HS1BP3: variants seen among roughly 807,000 people sequenced by gnomAD.
HS1BP3 encodes the protein HCLS1-binding protein 3.
Under a neutral mutation model 33.5 loss-of-function variants are expected in HS1BP3, and 32 were observed. That is an observed-to-expected ratio of 0.95 (90% CI 0.72 to 1.28). HS1BP3 has a LOEUF of 1.28. HS1BP3 is among the 50% of genes most tolerant of loss of function. The pLI is 0.00. For synonymous variants in HS1BP3, 187 were observed against 209.2 expected (o/e 0.89, Z 0.92); for missense variants, 486 against 502.3 (o/e 0.97, Z 0.31).
At position 20,641,015 on chromosome 2, in the gene HS1BP3, C is replaced by G. The variant is rs760464462; in HGVS notation, c.364G>C (p.Asp122His). ...TCTGGGCTGCCTGCCAACTCGGCAT[C>G]CTTGGAGACACAGCGCAGGATCTCA... The part of the protein sequence containing the change: ...FNEILRCVSK[D>H]AELAGSPELL... Residue 122 changes from aspartate (D) to histidine (H), a missense_variant, in exon 3 of 7, where the codon GAT (aspartate) becomes CAT (histidine). Physicochemically the swap from Asp to His is moderately conservative, Grantham distance 81 (BLOSUM62 -1). Coordinates refer to ENST00000304031, the MANE Select transcript of HS1BP3 (RefSeq NM_022460.4). 2 of 1,614,202 alleles carry G rather than the reference C, an allele frequency of 1.2e-6. No individual in the cohort carries two copies. The highest frequency in any genetic ancestry group is 2.2e-5 in the South Asian group (2 of 91,090).
At chr2:20,568,443 G>A (rs558971656) in intron 5 of HS1BP3, among the ~76,000 whole-genome samples, 5 of 152,276 alleles carry the variant, frequency 3.3e-5, no homozygotes, top group Admixed American at 1.3e-4. Flanking sequence ...AGCCTGGGCC[G>A]CCGTCAGGCT....
intron 5 of HS1BP3, among the ~76,000 whole-genome samples, chr2:20,580,474 G>A (rs1297389790): frequency 1.3e-5 from 2 of 151,956 alleles, no homozygotes; most frequent in African/African-American, 4.8e-5. Context: ...AGCCAAGATT[G>A]TGCCACTGTA....
At chr2:20,586,705 T>C (rs1693692859) in intron 5 of HS1BP3, 1 of 152,176 alleles carries the variant, frequency 6.6e-6, no homozygotes, top group Admixed American at 6.5e-5. Context: ...ATGCAACAGA[T>C]ATCAAAATGA....
intron 4 of HS1BP3, among the ~76,000 whole-genome samples, chr2:20,625,151 A>G (rs1016855776): frequency 6.6e-6 from 1 of 152,206 alleles, no homozygotes; most frequent in African/African-American, 2.4e-5. Context: ...CCCAGGGGAG[A>G]AAAGCAGGCC....
chr2:20,607,964 C>T (rs1694234609), intron 2 of HS1BP3, among the ~76,000 whole-genome samples: 1 of 151,914 alleles, frequency 6.6e-6, no homozygotes, highest in Admixed American at 6.5e-5. Flanking sequence ...TCAAGTCTTC[C>T]CCTCCCTTTG....
At chr2:20,638,288 A>G in intron 4 of HS1BP3, 148 bp downstream of exon 4, 4 of 700,084 alleles carry the variant, frequency 5.7e-6, no homozygotes, top group East Asian at 2.7e-5. Flanking sequence ...TTCCCCCAAC[A>G]CACCAGGCCA....
At chr2:20,562,362 C>T (rs1254028665) in intron 5 of HS1BP3, among the ~76,000 whole-genome samples, 1 of 152,062 alleles carries the variant, frequency 6.6e-6, no homozygotes, top group Non-Finnish European at 1.5e-5. Context: ...GCCTATAGTC[C>T]CAGCTGCTTG....
intron 5 of HS1BP3, among the ~76,000 whole-genome samples, chr2:20,562,216 C>T (rs1297503392): frequency 6.6e-6 from 1 of 152,188 alleles, no homozygotes; most frequent in African/African-American, 2.4e-5. Context: ...CTGTGGCTCA[C>T]ACCTGTAACC....
intron 2 of HS1BP3, among the ~76,000 whole-genome samples, chr2:20,641,801 C>A (rs567267812): frequency 6.6e-6 from 1 of 152,320 alleles, no homozygotes; most frequent in South Asian, 2.1e-4. Context: ...CTCAGCTTCC[C>A]GTGGGGCCAG....
In HS1BP3 at chr2:20,579,298, C is replaced by T. The variant is rs373664272; in HGVS notation, c.303-18783G>A. On this transcript the variant is annotated intron_variant, in intron 5 of 5. Coordinates refer to the HS1BP3 transcript ENST00000446825. ...CTGCCCAGCATCTATAGGGTGCCTC[C>T]GGGAACTGTCTCAAGGCCAGAGCAT... is the stretch of plus-strand genomic sequence containing the variant. Among the ~76,000 whole-genome samples the T allele has an allele frequency of 7.9e-5, 12 of 152,334 alleles. 1 individual carries two copies. Among genetic ancestry groups the T allele is most frequent in the African/African-American group, 2.4e-4 (10 of 41,580 alleles).
chr2:20,616,271 G>A (rs1694423380), downstream of HS1BP3, among the ~76,000 whole-genome samples: 1 of 152,202 alleles, frequency 6.6e-6, no homozygotes, highest in African/African-American at 2.4e-5. Flanking sequence ...AAATCTTGGG[G>A]GGGATAGAGG....
chr2:20,561,238 CA>C, intron 5 of HS1BP3, among the ~76,000 whole-genome samples: 1 of 152,292 alleles, frequency 6.6e-6, no homozygotes, highest in Admixed American at 6.5e-5. Context: ...TCCTGCAGCT[CA>C]GAGCTGGCAC....
At chr2:20,650,278 G>T (rs1440376386) in intron 1 of HS1BP3, among the ~76,000 whole-genome samples, 1 of 152,136 alleles carries the variant, frequency 6.6e-6, no homozygotes, top group Non-Finnish European at 1.5e-5. Context: ...TGAAGTGTAT[G>T]AAAATATTTG....
At chr2:20,635,116 A>G (rs1695084605) in intron 4 of HS1BP3, 1 of 152,212 alleles carries the variant, frequency 6.6e-6, no homozygotes. Flanking sequence ...AGAACCTTTT[A>G]CTGGAATGGT....
intron 5 of HS1BP3, among the ~76,000 whole-genome samples, chr2:20,570,085 T>C (rs1285816217): frequency 6.6e-6 from 1 of 152,144 alleles, no homozygotes; most frequent in Non-Finnish European, 1.5e-5. Context: ...TCTACTCCCC[T>C]AACCCCGGCC....
At chr2:20,638,287 C>T (rs1394224623) in intron 4 of HS1BP3, 149 bp downstream of exon 4, 7 of 698,420 alleles carry the variant, frequency 1.0e-5, no homozygotes, top group Non-Finnish European at 4.8e-6. Context: ...CTTCCCCCAA[C>T]ACACCAGGCC....
At chr2:20,593,578 G>A (rs748384783) in intron 3 of HS1BP3, among the ~76,000 whole-genome samples, 2 of 152,002 alleles carry the variant, frequency 1.3e-5, no homozygotes, top group African/African-American at 2.4e-5. Flanking sequence ...TGAGGCCCCC[G>A]CACTTCAGCC....
Position 20,641,112 on chromosome 2 carries a change from G to A in HS1BP3, c.267C>T (p.Ser89=). 1 of 1,613,314 alleles carries A rather than the reference G, an allele frequency of 6.2e-7. No individual in the cohort carries two copies. The highest frequency in any genetic ancestry group is 8.5e-7 in the Non-Finnish European group (1 of 1,180,010). Residue 89 remains serine, a synonymous_variant, in exon 3 of 7, where the codon AGC becomes AGT. Transcript: ENST00000304031. The part of the protein sequence containing the change: ...QKLSSRYAAA[S]LPPLPRKVLF... ...GGACCTTCCTGGGTAGTGGGGGGAGGCTGGCTGCTGCATAACGACTGCTCA... is the reference window on the plus strand; with the variant it reads ...GGACCTTCCTGGGTAGTGGGGGGAGACTGGCTGCTGCATAACGACTGCTCA...
At chr2:20,585,693 T>C (rs1356286498) in intron 5 of HS1BP3, among the ~76,000 whole-genome samples, 1 of 152,180 alleles carries the variant, frequency 6.6e-6, no homozygotes, top group African/African-American at 2.4e-5. Flanking sequence ...AAATAACCAT[T>C]AACGTCCTGC....
Sources: gnomAD v4.1 joint callset for allele counts (sites outside exome capture counted in the v4.1 genomes callset) on GRCh38, gnomAD v4.1.1 for gene constraint, MANE v1.5 for transcripts, NCBI Gene and HGNC (gene_info 2026-07-23, HGNC 2026-07-21) for gene names.